The following CDH23 variants were observed in gnomAD, a reference collection of about 807,000 sequenced individuals.
CDH23 encodes cadherin related 23, also known as cadherin-23.
A neutral mutation model predicts 317.1 loss-of-function variants in CDH23; 189 were observed. The ratio of observed to expected loss-of-function variants is 0.60; its 90% CI spans 0.53 to 0.67. The LOEUF (loss-of-function observed/expected upper bound fraction) is 0.67. Among genes scored for constraint, CDH23 ranks in the 30% least tolerant of loss-of-function variants. The probability of loss-of-function intolerance (pLI) is 0.00; values close to 1 mark genes in which losing one functional copy is unlikely to be tolerated. For missense variants in CDH23, 4,401 were observed against 4,592.4 expected, an observed-to-expected ratio of 0.96 and a Z score of 1.20; for synonymous variants, 1,839 against 1,876.8, an observed-to-expected ratio of 0.98 and a Z score of 0.52.
chr10:71,585,056 C>T (rs1858953912), intron 9 of CDH23, among the ~76,000 whole-genome samples: 1 of 152,114 alleles, frequency 6.6e-6, no homozygotes, highest in African/African-American at 2.4e-5. Flanking sequence ...TGGATTGGAG[C>T]AGGAAGCACT....
At chr10:71,804,186 C>G (rs1374734561) in intron 55 of CDH23, among the ~76,000 whole-genome samples, 2 of 152,148 alleles carry the variant, frequency 1.3e-5, no homozygotes, top group African/African-American at 4.8e-5. Context: ...CCACTTCCCC[C>G]ATACTTGTCT....
At chr10:71,742,132 T>G (rs1839753560) in intron 38 of CDH23, 1 of 581,558 alleles carries the variant, frequency 1.7e-6, no homozygotes, top group Non-Finnish European at 3.1e-6. Flanking sequence ...TAGTTTGGCC[T>G]CCCGAGTCTA....
At chr10:71,460,781 T>C (rs1850940933) in intron 3 of CDH23, among the ~76,000 whole-genome samples, 1 of 152,176 alleles carries the variant, frequency 6.6e-6, no homozygotes, top group African/African-American at 2.4e-5. Context: ...TGCTCCTGAA[T>C]GTGGAGTTGG....
At chr10:71,420,949 C>A (rs1353629371) in intron 1 of CDH23, among the ~76,000 whole-genome samples, 1 of 152,144 alleles carries the variant, frequency 6.6e-6, no homozygotes, top group African/African-American at 2.4e-5. Flanking sequence ...AGCTCCCTGT[C>A]CCTGGAGAGC....
At chr10:71,802,487 C>T (rs546406591) in intron 53 of CDH23, among the ~76,000 whole-genome samples, 2 of 152,042 alleles carry the variant, frequency 1.3e-5, no homozygotes, top group East Asian at 1.9e-4. Context: ...GTCAAGAGAA[C>T]CTTGGGGAAT....
chr10:71,799,855 CTT>C (rs1461368590), intron 52 of CDH23, among the ~76,000 whole-genome samples: 1 of 152,210 alleles, frequency 6.6e-6, no homozygotes, highest in African/African-American at 2.4e-5. Context: ...GTGGCCAAGT[CTT>C]TTGGAATGAG....
intron 60 of CDH23, among the ~76,000 whole-genome samples, chr10:71,809,474 G>A (rs747571574): frequency 1.6e-4 from 24 of 152,072 alleles, no homozygotes; most frequent in Non-Finnish European, 3.1e-4. Flanking sequence ...CACCACACCC[G>A]GGCTTATTTG....
Position 71,615,623 on chromosome 10 carries a change from C to A in CDH23, c.945+7C>A, listed in dbSNP as rs781729289. The stretch of plus-strand genomic sequence containing the variant: ...CTTCATCCTGACTGTGAAGGTGAGA[C>A]CTGGGTGGGCACCTTCACCCCAGGT... On this transcript the variant is annotated splice_region_variant and intron_variant, in intron 10 of 69. Coordinates refer to ENST00000224721, the MANE Select transcript of CDH23 (RefSeq NM_022124.6). The A allele has an allele frequency of 1.2e-6, 2 of 1,600,148 alleles. No individual in the cohort carries two copies. Among genetic ancestry groups the A allele is most frequent in the African/African-American group, 1.3e-5 (1 of 74,784 alleles).
chr10:71,698,010 T>G (rs1177051912), intron 22 of CDH23, among the ~76,000 whole-genome samples: 1 of 152,234 alleles, frequency 6.6e-6, no homozygotes, highest in African/African-American at 2.4e-5. Flanking sequence ...AAACTTGTTA[T>G]ATGAAACATC....
At chr10:71,507,045 C>A (rs1325918407) in intron 3 of CDH23, among the ~76,000 whole-genome samples, 3 of 152,166 alleles carry the variant, frequency 2.0e-5, no homozygotes, top group African/African-American at 7.2e-5. Context: ...AGTTGTGCAA[C>A]CTTGGCTGGA....
In CDH23 at chr10:71,695,481, A is replaced by C. The variant is rs886047132; in HGVS notation, c.2353A>C (p.Ile785Leu). 1 of 1,613,620 alleles carries C rather than the reference A, an allele frequency of 6.2e-7. No homozygotes were observed. Among genetic ancestry groups the C allele is most frequent in the Non-Finnish European group, 8.5e-7 (1 of 1,179,536 alleles). Residue 785 changes from isoleucine (I) to leucine (L), a missense_variant, in exon 22 of 70, where the codon ATC (isoleucine) becomes CTC (leucine). Physicochemically the swap from Ile to Leu is conservative, Grantham distance 5. Coordinates refer to ENST00000224721, the MANE Select transcript of CDH23 (RefSeq NM_022124.6). ...HPTWKDAPYY[I>L]NLVEMTPPDS... ...CACGTGGAAGGACGCACCCTACTACATCAACCTGGTGGAGATGACCCCTCC... is the reference window on the plus strand; with the variant it reads ...CACGTGGAAGGACGCACCCTACTACCTCAACCTGGTGGAGATGACCCCTCC...
At chr10:71,476,241 C>G (rs1589118206) in intron 3 of CDH23, among the ~76,000 whole-genome samples, 1 of 152,184 alleles carries the variant, frequency 6.6e-6, no homozygotes, top group Admixed American at 6.5e-5. Flanking sequence ...CCCGTCCCCA[C>G]CCCTTCATGC....
chr10:71,452,820 A>C (rs767172854), intron 3 of CDH23, among the ~76,000 whole-genome samples: 1 of 152,206 alleles, frequency 6.6e-6, no homozygotes, highest in African/African-American at 2.4e-5. Flanking sequence ...CCGAGCCTCT[A>C]TTAGGCACTT....
chr10:71,644,136 G>A (rs1037125303), intron 12 of CDH23, among the ~76,000 whole-genome samples: 20 of 152,368 alleles, frequency 1.3e-4, no homozygotes, highest in Admixed American at 1.3e-3. Context: ...ACACCAGGGA[G>A]CGCTGCAACC....
chr10:71,717,648 C>G (rs535203634), intron 28 of CDH23: 25 of 152,394 alleles, frequency 1.6e-4, no homozygotes, highest in African/African-American at 5.3e-4. Context: ...GCAGGGCCAC[C>G]TGGAGAGCAC....
intron 9 of CDH23, among the ~76,000 whole-genome samples, chr10:71,597,203 G>A (rs1859914452): frequency 2.0e-5 from 3 of 151,988 alleles, no homozygotes; most frequent in African/African-American, 7.3e-5. Context: ...CAGTCCTGGG[G>A]CCGGGAGGGT....
chr10:71,731,577 G>C (rs1011309638), intron 31 of CDH23, among the ~76,000 whole-genome samples: 1 of 152,186 alleles, frequency 6.6e-6, no homozygotes, highest in Non-Finnish European at 1.5e-5. Flanking sequence ...AAGCCCTTCT[G>C]TCGAAGGGAC....
At chr10:71,622,692 G>A (rs755316434) in intron 11 of CDH23, among the ~76,000 whole-genome samples, 2 of 152,170 alleles carry the variant, frequency 1.3e-5, no homozygotes, top group Non-Finnish European at 2.9e-5. Flanking sequence ...TACCATTTGC[G>A]GATGTCCTGC....
At chr10:71,661,884 G>A in intron 14 of CDH23, among the ~76,000 whole-genome samples, 1 of 79,894 alleles carries the variant, frequency 1.3e-5, no homozygotes, top group Non-Finnish European at 2.5e-5. Context: ...CTCCCACCCA[G>A]CGCGCCCCCT....
Sources: gnomAD v4.1 joint callset for allele counts (sites outside exome capture counted in the v4.1 genomes callset) on GRCh38, gnomAD v4.1.1 for gene constraint, MANE v1.5 for transcripts, NCBI Gene and HGNC (gene_info 2026-07-23, HGNC 2026-07-21) for gene names.